Variants in FIP1L1 observed in about 807,000 individuals in gnomAD.
The protein encoded by FIP1L1 is pre-mRNA 3'-end-processing factor FIP1.
Under a neutral mutation model 84.6 loss-of-function variants are expected in FIP1L1, and 21 were observed. The ratio of observed to expected loss-of-function variants is 0.25; its 90% confidence interval spans 0.18 to 0.36. The LOEUF (loss-of-function observed/expected upper bound fraction) is 0.36. FIP1L1 is among the 10% of genes least tolerant of loss of function. FIP1L1 has a pLI of 1.00. For synonymous variants in FIP1L1, 263 were observed against 242.3 expected, an observed-to-expected ratio of 1.09 and a Z score of -0.80; for missense variants, 526 against 751.1, an observed-to-expected ratio of 0.70 and a Z score of 3.50.
chr4:53,423,035 C>G (rs1414144132), intron 11 of FIP1L1, among the ~76,000 whole-genome samples: 2 of 152,240 alleles, frequency 1.3e-5, no homozygotes, highest in South Asian at 2.1e-4. Context: ...GGCCTTTTGT[C>G]TATCTTCTAT....
At chr4:53,404,722 T>C (rs1376179647) in intron 10 of FIP1L1, among the ~76,000 whole-genome samples, 1 of 152,214 alleles carries the variant, frequency 6.6e-6, no homozygotes, top group Non-Finnish European at 1.5e-5. Context: ...TGTGAGATGC[T>C]ATCTCATTGT....
In FIP1L1 at chr4:53,414,639, G is replaced by A; in HGVS notation, c.840G>A (p.Gln280=). 1 of 1,613,078 alleles carries A rather than the reference G, an allele frequency of 6.2e-7. No homozygotes were observed. The change falls in exon 11 of 18, where the codon CAG becomes CAA. Residue 280 remains glutamine (Q), a synonymous_variant. Coordinates refer to ENST00000337488, the MANE Select transcript of FIP1L1 (RefSeq NM_030917.4). ...GAAACAGCACTTCTTCTCAGTCTCAGACAAGTACTGCCTCCAGAAAAGCCA... is the reference window on the plus strand; with the variant it reads ...GAAACAGCACTTCTTCTCAGTCTCAAACAAGTACTGCCTCCAGAAAAGCCA... ...PSRNSTSSQS[Q]TSTASRKANS...
intron 9 of FIP1L1, among the ~76,000 whole-genome samples, chr4:53,399,209 C>T (rs1748988736): frequency 6.6e-6 from 1 of 152,062 alleles, no homozygotes; most frequent in South Asian, 2.1e-4. Context: ...GATGATGGTA[C>T]TTTTAATGGT....
chr4:53,407,679 G>A (rs894892045), intron 10 of FIP1L1, among the ~76,000 whole-genome samples: 1 of 151,316 alleles, frequency 6.6e-6, no homozygotes. Context: ...CTTGCTTTAT[G>A]ATTCTGGGTG....
chr4:53,450,764 T>C (rs577698628), intron 15 of FIP1L1, among the ~76,000 whole-genome samples: 14 of 152,332 alleles, frequency 9.2e-5, no homozygotes, highest in African/African-American at 3.4e-4. Flanking sequence ...TCTCCCATGA[T>C]CATGGTGAAT....
intron 13 of FIP1L1, among the ~76,000 whole-genome samples, chr4:53,439,079 A>C: frequency 6.6e-6 from 1 of 152,166 alleles, no homozygotes; most frequent in Non-Finnish European, 1.5e-5. Flanking sequence ...GAAGTTAAGT[A>C]GTGTCCGTAT....
chr4:53,416,256 A>G lies in FIP1L1; in HGVS notation c.923+1534A>G, dbSNP rs559877003. 9.2e-5 allele frequency among the ~76,000 whole-genome samples: 14 copies of G among 152,342 alleles called. No individual in the cohort carries two copies. The South Asian group carries it at 2.9e-3, about 32-fold the overall frequency. On this transcript the variant is annotated intron_variant, in intron 11 of 17. Transcript: ENST00000337488. ...TATGGACAGCCTATTTACTGAACCT[A>G]AAAGGGCCAGACAACAAGAACTTAT...
At chr4:53,407,063 G>A (rs1753974669) in intron 10 of FIP1L1, among the ~76,000 whole-genome samples, 2 of 152,122 alleles carry the variant, frequency 1.3e-5, no homozygotes, top group African/African-American at 2.4e-5. Flanking sequence ...TTTTGAATGT[G>A]TTTGCTCTTG....
intron 15 of FIP1L1, among the ~76,000 whole-genome samples, chr4:53,444,862 A>T (rs1427535036): frequency 6.6e-6 from 1 of 152,094 alleles, no homozygotes; most frequent in Non-Finnish European, 1.5e-5. Flanking sequence ...GTGAGCCACC[A>T]CACCTGACCT....
intron 17 of FIP1L1, 66 bp from the exon 18 acceptor site, chr4:53,459,236 T>C (rs1721149498): frequency 5.2e-6 from 6 of 1,156,574 alleles, no homozygotes; most frequent in East Asian, 5.1e-5. Flanking sequence ...CTTAGAGTGA[T>C]TGGATTTTTG....
intron 16 of FIP1L1, among the ~76,000 whole-genome samples, chr4:53,453,966 T>C (rs552578815): frequency 2.1e-3 from 314 of 152,362 alleles, no homozygotes; most frequent in Non-Finnish European, 3.6e-3. Context: ...CTGTACCACT[T>C]CCCTCAAAGA....
In FIP1L1 at chr4:53,403,754, T is replaced by C. The variant is rs866459741; in HGVS notation, c.815+3915T>C. On this transcript the variant is annotated intron_variant, in intron 10 of 17. Coordinates refer to ENST00000337488, the MANE Select transcript of FIP1L1 (RefSeq NM_030917.4). ...GGTTGGGCATTGTTGTGGAGGAGTA[T>C]TGGGCTCGTTCTGTTGCCCAATGCC... 1.4e-4 allele frequency among the ~76,000 whole-genome samples: 21 copies of C among 152,330 alleles called. 1 individual carries two copies. The Middle Eastern group carries it at 0.01, about 74-fold the overall frequency.
intron 14 of FIP1L1, among the ~76,000 whole-genome samples, chr4:53,442,927 A>G (rs535360762): frequency 6.6e-6 from 1 of 152,242 alleles, no homozygotes; most frequent in African/African-American, 2.4e-5. Context: ...TTTTGAAATA[A>G]TATCTTGCTT....
At chr4:53,404,674 T>G (rs1434971877) in intron 10 of FIP1L1, among the ~76,000 whole-genome samples, 1 of 152,090 alleles carries the variant, frequency 6.6e-6, no homozygotes, top group African/African-American at 2.4e-5. Flanking sequence ...CCAGCACGTG[T>G]TGTTTCCTGA....
intron 15 of FIP1L1, among the ~76,000 whole-genome samples, chr4:53,452,085 T>C (rs1034485584): frequency 2.0e-5 from 3 of 152,088 alleles, no homozygotes; most frequent in Non-Finnish European, 4.4e-5. Flanking sequence ...GGTTTCACCA[T>C]CTTGGCCAGG....
At chr4:53,406,413 G>C (rs1046897705) in intron 10 of FIP1L1, among the ~76,000 whole-genome samples, 2 of 152,196 alleles carry the variant, frequency 1.3e-5, no homozygotes, top group Admixed American at 6.5e-5. Context: ...TGTTTTGCCA[G>C]TATGTTACTG....
intron 10 of FIP1L1, among the ~76,000 whole-genome samples, chr4:53,408,314 A>G (rs1243790246): frequency 1.3e-5 from 2 of 152,176 alleles, no homozygotes; most frequent in African/African-American, 4.8e-5. Context: ...AGAATGTTGA[A>G]TATTGGCCCC....
At chr4:53,410,396 G>C (rs1403558558) in intron 10 of FIP1L1, among the ~76,000 whole-genome samples, 4 of 152,150 alleles carry the variant, frequency 2.6e-5, no homozygotes, top group Non-Finnish European at 4.4e-5. Context: ...CTCTTAGTTG[G>C]TCATTGTCAA....
intron 10 of FIP1L1, among the ~76,000 whole-genome samples, chr4:53,407,460 G>A (rs1203921306): frequency 6.6e-6 from 1 of 152,104 alleles, no homozygotes; most frequent in Non-Finnish European, 1.5e-5. Context: ...TAGGTGTGGT[G>A]TGGTGCTGAA....
Sources: allele counts gnomAD v4.1 joint callset (sites outside exome capture counted in the v4.1 genomes callset), GRCh38; gene constraint gnomAD v4.1.1; transcripts MANE v1.5; gene names NCBI Gene and HGNC (gene_info 2026-07-23, HGNC 2026-07-21).